PAPPA2: variants seen among roughly 807,000 people sequenced by gnomAD.
PAPPA2 encodes pappalysin 2, also known as pappalysin-2.
A neutral mutation model predicts 176.4 loss-of-function variants in PAPPA2; 86 were observed. The ratio of observed to expected loss-of-function variants is 0.49; its 90% confidence interval spans 0.41 to 0.58. The LOEUF is 0.58. Among genes scored for constraint, PAPPA2 ranks in the 20% least tolerant of loss-of-function variants. The pLI is 0.00. For synonymous variants in PAPPA2, 809 were observed against 852.2 expected (o/e 0.95, Z 0.88); for missense variants, 2,073 against 2,256.9 (o/e 0.92, Z 1.65).
intron 12 of PAPPA2, among the ~76,000 whole-genome samples, chr1:176,716,943 A>G (rs964958095): frequency 1.3e-5 from 2 of 152,080 alleles, no homozygotes; most frequent in African/African-American, 4.8e-5. Flanking sequence ...TTAGCAGCAC[A>G]AGGCTTTCAA....
intron 21 of PAPPA2, among the ~76,000 whole-genome samples, chr1:176,836,081 CAGATTTGTGT>C (rs1163882550): frequency 6.6e-6 from 1 of 152,154 alleles, no homozygotes; most frequent in Non-Finnish European, 1.5e-5. Flanking sequence ...AATTAGTGCA[CAGATTTGTGT>C]AGATTTACAG....
At chr1:176,629,945 G>A (rs996360673) in intron 3 of PAPPA2, among the ~76,000 whole-genome samples, 3 of 152,038 alleles carry the variant, frequency 2.0e-5, no homozygotes, top group African/African-American at 7.2e-5. Flanking sequence ...TGTAATCCCA[G>A]CTACTCTGGA....
intron 12 of PAPPA2, among the ~76,000 whole-genome samples, chr1:176,732,772 T>G (rs1453689729): frequency 6.6e-6 from 1 of 152,150 alleles, no homozygotes; most frequent in Non-Finnish European, 1.5e-5. Context: ...CCTTAGCATT[T>G]AGTAAGATAA....
At chr1:176,642,886 G>A (rs903979550) in intron 3 of PAPPA2, among the ~76,000 whole-genome samples, 4 of 151,974 alleles carry the variant, frequency 2.6e-5, no homozygotes, top group Non-Finnish European at 4.4e-5. Context: ...TTATAGAACC[G>A]TATAGCTATG....
intron 4 of PAPPA2, among the ~76,000 whole-genome samples, chr1:176,681,813 G>GA (rs1659597728): frequency 6.6e-6 from 1 of 152,180 alleles, no homozygotes; most frequent in East Asian, 1.9e-4. Flanking sequence ...GTAAGAAGCA[G>GA]AGGGAGCTTC....
intron 21 of PAPPA2, among the ~76,000 whole-genome samples, chr1:176,825,366 C>T (rs918121871): frequency 6.6e-6 from 1 of 152,180 alleles, no homozygotes; most frequent in African/African-American, 2.4e-5. Flanking sequence ...AGTTGTCTTC[C>T]AAATGTGGTT....
chr1:176,707,339 T>C (rs1463371979), intron 10 of PAPPA2, among the ~76,000 whole-genome samples: 1 of 152,040 alleles, frequency 6.6e-6, no homozygotes, highest in East Asian at 1.9e-4. Context: ...TCATAGAATG[T>C]TGGTGGTCCT....
chr1:176,480,320 T>C (rs1997765), intron 1 of PAPPA2, among the ~76,000 whole-genome samples: 150,978 of 152,304 alleles, frequency 0.99, 74,839 homozygotes, highest in East Asian at 1. Flanking sequence ...CACAGAGCAG[T>C]CCTGGGGAGA....
rs1261301848 is a variant in PAPPA2 at position 176,728,505 on chromosome 1, A to G, written c.3799-11121A>G. ...ATCTCTATGAAGAAATGCTACTGAG[A>G]GATACCATGAGGGCTTGAATAAATG... On this transcript the variant is annotated intron_variant, in intron 12 of 22. Transcript: ENST00000367662. Among the ~76,000 whole-genome samples the G allele has an allele frequency of 3.3e-5, 5 of 152,110 alleles. No homozygotes were observed. The East Asian group carries it at 9.6e-4, about 29-fold the overall frequency.
At chr1:176,715,186 T>G (rs1048350091) in intron 12 of PAPPA2, among the ~76,000 whole-genome samples, 4 of 152,236 alleles carry the variant, frequency 2.6e-5, no homozygotes, top group Admixed American at 2.0e-4. Context: ...TAGTACCCAC[T>G]GTTGTGTTAA....
intron 1 of PAPPA2, among the ~76,000 whole-genome samples, chr1:176,478,834 C>A (rs1652254790): frequency 6.6e-6 from 1 of 152,196 alleles, no homozygotes; most frequent in Non-Finnish European, 1.5e-5. Context: ...CATTTATATT[C>A]ATGTATGCAG....
chr1:176,793,818 T>C, intron 20 of PAPPA2, 149 bp downstream of exon 20: 1 of 590,212 alleles, frequency 1.7e-6, no homozygotes. Context: ...GGATTAAACA[T>C]TGAAAAGAAA....
chr1:176,668,876 T>G (rs1285662743), intron 3 of PAPPA2, among the ~76,000 whole-genome samples: 1 of 152,102 alleles, frequency 6.6e-6, no homozygotes, highest in Non-Finnish European at 1.5e-5. Context: ...ATAAATACTG[T>G]CATCTGGAAG....
intron 21 of PAPPA2, among the ~76,000 whole-genome samples, chr1:176,800,405 G>A (rs890113766): frequency 1.3e-5 from 2 of 152,110 alleles, no homozygotes; most frequent in Non-Finnish European, 2.9e-5. Flanking sequence ...ATGGTTTTGG[G>A]ATTCTGTAAC....
chr1:176,806,212 T>G (rs577100581), intron 21 of PAPPA2, among the ~76,000 whole-genome samples: 3 of 152,296 alleles, frequency 2.0e-5, no homozygotes, highest in South Asian at 2.1e-4. Context: ...CCTTTGTAGA[T>G]GCCTATTGTC....
intron 1 of PAPPA2, among the ~76,000 whole-genome samples, chr1:176,549,624 T>G (rs1036437465): frequency 2.0e-5 from 3 of 152,218 alleles, no homozygotes; most frequent in African/African-American, 7.2e-5. Context: ...AGCTGGAACT[T>G]TAAGCCAGCT....
rs150105527 is a variant in PAPPA2 at position 176,478,947 on chromosome 1, A to T, written c.-917+15529A>T. ...TGGGGCTGGATCAAGTTGGATGGAG[A>T]TAAGATCTAAGTTATACAGGGCCTT... On this transcript the variant is annotated intron_variant, in intron 1 of 22. Transcript: ENST00000367662. Among the ~76,000 whole-genome samples, 312 of 152,278 alleles carry T rather than the reference A, an allele frequency of 2.0e-3. 9 individuals are homozygous for T. In the East Asian group the frequency reaches 0.051, roughly 25 times the overall value.
rs547999825 is a variant in PAPPA2 at position 176,758,698 on chromosome 1, G to A, written c.4152-6968G>A. Among the ~76,000 whole-genome samples, 5 of 152,212 alleles carry A rather than the reference G, an allele frequency of 3.3e-5. No individual in the cohort carries two copies. The East Asian group carries it at 9.7e-4, about 29-fold the overall frequency. ...TATTTAGTCAAGGGTGGCACTTCTT[G>A]GATAAATGAATTGCAATATTTTGTT... is the stretch of plus-strand genomic sequence containing the variant. On this transcript the variant is annotated intron_variant, in intron 14 of 22. Coordinates refer to ENST00000367662, the MANE Select transcript of PAPPA2 (RefSeq NM_020318.3).
At chr1:176,738,499 T>TTAG (rs1359939828) in intron 12 of PAPPA2, among the ~76,000 whole-genome samples, 1 of 152,102 alleles carries the variant, frequency 6.6e-6, no homozygotes, top group Middle Eastern at 3.2e-3. Flanking sequence ...CTCCCCACTT[T>TTAG]TAGAGGAAGG....
Sources: gnomAD v4.1 joint callset for allele counts (sites outside exome capture counted in the v4.1 genomes callset) on GRCh38, gnomAD v4.1.1 for gene constraint, MANE v1.5 for transcripts, NCBI Gene and HGNC (gene_info 2026-07-23, HGNC 2026-07-21) for gene names.